The following TNFRSF13B variants were observed in gnomAD, a reference collection of about 807,000 sequenced individuals.
TNFRSF13B encodes TNF receptor superfamily member 13B.
A neutral mutation model predicts 24.0 loss-of-function variants in TNFRSF13B; 34 were observed. That is an observed-to-expected ratio of 1.41 (90% confidence interval 1.08 to 1.88). The LOEUF (loss-of-function observed/expected upper bound fraction) is 1.88. TNFRSF13B is among the 40% of genes most tolerant of loss of function. The pLI is 0.00. For synonymous variants in TNFRSF13B, 173 were observed against 150.3 expected, an observed-to-expected ratio of 1.15 and a Z score of -1.10; for missense variants, 415 against 380.8, an observed-to-expected ratio of 1.09 and a Z score of -0.75.
At chr17:16,970,569 T>C (rs1225522630) in intron 1 of TNFRSF13B, among the ~76,000 whole-genome samples, 8 of 152,244 alleles carry the variant, frequency 5.3e-5, no homozygotes, top group African/African-American at 1.9e-4. Context: ...GGTAGTTTCA[T>C]CAAAGCACTT....
chr17:16,941,651 A>T (rs2087511042), intron 3 of TNFRSF13B, among the ~76,000 whole-genome samples: 1 of 152,236 alleles, frequency 6.6e-6, no homozygotes, highest in Non-Finnish European at 1.5e-5. Flanking sequence ...TGCTGTATTA[A>T]AGTGTACAAC....
chr17:16,970,643 G>A (rs184420120), intron 1 of TNFRSF13B, among the ~76,000 whole-genome samples: 2 of 152,098 alleles, frequency 1.3e-5, no homozygotes, highest in East Asian at 2.0e-4. Context: ...GAGGGGAAGC[G>A]GCTCAGCCAA....
intron 1 of TNFRSF13B, among the ~76,000 whole-genome samples, chr17:16,966,265 CA>C (rs377196916): frequency 4.7e-5 from 7 of 148,566 alleles, no homozygotes; most frequent in African/African-American, 1.7e-4. Context: ...AAAAAAAAAA[CA>C]CCAAAAAAAC....
rs1444709967 is a variant in TNFRSF13B at position 16,964,112 on chromosome 17, GAGA to G, written c.61+7900_61+7902del. ...GGATGAGGAAGAGGAGGCAGAAGAG[GAGA>G]AGAAGGGAAAAAGAAGAGAGATGAG... is the stretch of plus-strand genomic sequence containing the variant. On this transcript the variant is annotated intron_variant, in intron 1 of 4. Transcript: ENST00000261652. 4.6e-5 allele frequency among the ~76,000 whole-genome samples: 7 copies of G among 152,124 alleles called. No homozygotes were observed. In the East Asian group the frequency reaches 9.6e-4, roughly 21 times the overall value.
rs200309474 is a variant in TNFRSF13B at position 16,972,035 on chromosome 17, C to A, written c.41G>T (p.Arg14Leu). ...LGRSRRGGRS[R>L]VDQEERFPQG... ...CTCACAGCGCTCCTCCTGGTCCACA[C>A]GGCTCCGGCCACCTCGCCTGCTCCG... The change falls in exon 1 of 5, where the codon CGT becomes CTT. Residue 14 changes from arginine to leucine, a missense_variant. Physicochemically the swap from Arg to Leu is moderately radical, Grantham distance 102. Transcript: ENST00000261652. 1.1e-4 allele frequency: 172 copies of A among 1,613,966 alleles called. No homozygotes were observed. The highest frequency in any genetic ancestry group is 1.4e-4 in the Non-Finnish European group (160 of 1,180,042).
At chr17:16,947,006 A>G (rs2087554684) in intron 3 of TNFRSF13B, among the ~76,000 whole-genome samples, 1 of 152,104 alleles carries the variant, frequency 6.6e-6, no homozygotes, top group African/African-American at 2.4e-5. Flanking sequence ...ATGGAATCTG[A>G]TGAATTCACA....
chr17:16,940,241 A>G, intron 4 of TNFRSF13B, 85 bp downstream of exon 4: 1 of 1,610,840 alleles, frequency 6.2e-7, no homozygotes. Context: ...ACCTAGAAGC[A>G]GGGGCAGTGA....
intron 3 of TNFRSF13B, 148 bp from the exon 4 acceptor site, chr17:16,940,659 G>A: frequency 6.7e-7 from 1 of 1,501,596 alleles, no homozygotes; most frequent in Non-Finnish European, 8.9e-7. Flanking sequence ...GAGGCTGCTG[G>A]GATGCTCTCT....
chr17:16,944,596 C>T (rs914438693), intron 3 of TNFRSF13B, among the ~76,000 whole-genome samples: 22 of 152,144 alleles, frequency 1.4e-4, no homozygotes, highest in African/African-American at 4.8e-4. Context: ...TTACGTGGCT[C>T]CCGTGCACTG....
chr17:16,945,745 G>A (rs2087543206), intron 3 of TNFRSF13B, among the ~76,000 whole-genome samples: 1 of 152,156 alleles, frequency 6.6e-6, no homozygotes, highest in Non-Finnish European at 1.5e-5. Context: ...CTTCCCCTCA[G>A]GAGAGGCTGT....
intron 2 of TNFRSF13B, among the ~76,000 whole-genome samples, chr17:16,949,294 G>T (rs1012346413): frequency 5.3e-5 from 8 of 152,024 alleles, no homozygotes; most frequent in Admixed American, 4.6e-4. Flanking sequence ...GTTTCCAAAC[G>T]TATGAAGATT....
At position 16,952,559 on chromosome 17, in the gene TNFRSF13B, ACC is replaced by A. The variant is rs756097074; in HGVS notation, c.84_85del (p.Val29GlyfsTer51). The A allele has an allele frequency of 2.5e-6, 4 of 1,614,148 alleles. No individual in the cohort carries two copies. The highest frequency in any genetic ancestry group is 1.7e-6 in the Non-Finnish European group (2 of 1,180,022). Reference sequence around the variant, plus strand: ...CTCTTCGGGGCAGGATCTCATAGCCACCCCCGTCCACAGGCCCTGTGGAACTG... The same window carrying A: ...CTCTTCGGGGCAGGATCTCATAGCCACCCGTCCACAGGCCCTGTGGAACTG... On this transcript the variant is annotated frameshift_variant, in exon 2 of 5. Transcript: ENST00000261652. LOFTEE classifies it high-confidence loss of function.
intron 3 of TNFRSF13B, chr17:16,941,163 A>G: frequency 2.1e-6 from 2 of 939,084 alleles, no homozygotes; most frequent in Non-Finnish European, 2.5e-6. Flanking sequence ...GGTTCAGTAC[A>G]GATGCAACTA....
At chr17:16,955,366 T>G (rs2087617441) in intron 1 of TNFRSF13B, among the ~76,000 whole-genome samples, 1 of 152,164 alleles carries the variant, frequency 6.6e-6, no homozygotes, top group Admixed American at 6.5e-5. Flanking sequence ...TAAGAGAGGA[T>G]TGTGTATCTA....
intron 2 of TNFRSF13B, 133 bp from the exon 3 acceptor site, chr17:16,949,116 G>A: frequency 8.3e-7 from 1 of 1,204,570 alleles, no homozygotes; most frequent in Non-Finnish European, 1.2e-6. Flanking sequence ...AGTAAGCCAA[G>A]TACTTTTACA....
At chr17:16,969,727 G>A (rs993423883) in intron 1 of TNFRSF13B, among the ~76,000 whole-genome samples, 7 of 152,158 alleles carry the variant, frequency 4.6e-5, no homozygotes, top group Admixed American at 4.6e-4. Context: ...TGGGAACTGG[G>A]CAGATGGAGG....
Position 16,940,366 on chromosome 17 carries a change from G to C in TNFRSF13B, c.591C>G (p.Pro197=), listed in dbSNP as rs773773424. 2.5e-6 allele frequency: 4 copies of C among 1,613,936 alleles called. No homozygotes were observed. The South Asian group carries it at 4.4e-5, about 18-fold the overall frequency. The change falls in exon 4 of 5, where the codon CCC becomes CCG. Residue 197 remains proline, a synonymous_variant. Coordinates refer to ENST00000261652, the MANE Select transcript of TNFRSF13B (RefSeq NM_012452.3). ...CCGGACTTTGACGGGGCCTTGAGCG[G>C]GGCTGGCAGGAGCAGGGATCCCCCC... ...KKRGDPCSCQ[P]RSRPRQSPAK... is the part of the protein sequence containing the mutation.
At chr17:16,953,859 T>C (rs966054702) in intron 1 of TNFRSF13B, among the ~76,000 whole-genome samples, 1 of 152,032 alleles carries the variant, frequency 6.6e-6, no homozygotes, top group African/African-American at 2.4e-5. Context: ...AACCTCCACC[T>C]CCCGGGTTCA....
In TNFRSF13B at chr17:16,971,938, G is replaced by A. The variant is rs2087747789; in HGVS notation, c.61+77C>T. ...GTGGGCTTTGCACCTGCTGGACCTT[G>A]CAACCCCCACGGCACTCAGGCCCAA... is the stretch of plus-strand genomic sequence containing the variant. On this transcript the variant is annotated intron_variant, in intron 1 of 4. Coordinates refer to ENST00000261652, the MANE Select transcript of TNFRSF13B (RefSeq NM_012452.3). 3.4e-6 allele frequency: 5 copies of A among 1,490,508 alleles called. No homozygotes were observed. In the East Asian group the frequency reaches 9.0e-5, roughly 27 times the overall value. 92.3% of individuals were successfully genotyped at this position (1,490,508 alleles called of 1,614,324 possible). A position where few individuals can be genotyped will look rare whatever the true frequency, so the allele number is the denominator to read the frequency against.
Sources: allele counts gnomAD v4.1 joint callset (sites outside exome capture counted in the v4.1 genomes callset), GRCh38; gene constraint gnomAD v4.1.1; transcripts MANE v1.5; gene names NCBI Gene and HGNC (gene_info 2026-07-23, HGNC 2026-07-21).